IFI44: variants seen among roughly 807,000 people sequenced by gnomAD.
IFI44 encodes the protein interferon induced protein 44.
Under a neutral mutation model 45.0 loss-of-function variants are expected in IFI44, and 42 were observed. That is an observed-to-expected ratio of 0.93 (90% CI 0.73 to 1.21). The LOEUF (loss-of-function observed/expected upper bound fraction) is 1.21. Among genes scored for constraint, IFI44 ranks in the 50% most tolerant of loss-of-function variants. The probability of loss-of-function intolerance (pLI) is 0.00; values close to 1 mark genes in which losing one functional copy is unlikely to be tolerated. For synonymous variants in IFI44, 221 were observed against 188.6 expected, an observed-to-expected ratio of 1.17 and a Z score of -1.41; for missense variants, 623 against 525.8, an observed-to-expected ratio of 1.18 and a Z score of -1.81.
intron 8 of IFI44, 59 bp downstream of exon 8, chr1:78,662,937 T>C (rs1647552562): frequency 6.2e-7 from 1 of 1,612,622 alleles, no homozygotes; most frequent in South Asian, 1.1e-5. Flanking sequence ...TACTTTCTGC[T>C]TGGATCTATT....
rs375768898 is a variant in IFI44 at position 78,650,263 on chromosome 1, G to A, written c.68G>A (p.Arg23Gln). Residue 23 changes from arginine to glutamine, a missense_variant, in exon 2 of 9, where the codon CGG (arginine) becomes CAG (glutamine). Arg to Gln is a conservative substitution (Grantham distance 43). Transcript: ENST00000370747. ...CTGCAAAATCATTTTGGAGGGAAGC[G>A]GCTTAGCCTTCTCTATAAGGGTAGT... The part of the protein sequence containing the change: ...KILQNHFGGK[R>Q]LSLLYKGSVH... The A allele has an allele frequency of 1.5e-5, 25 of 1,613,358 alleles. No homozygotes were observed. The highest frequency in any genetic ancestry group is 5.5e-5 in the South Asian group (5 of 91,048).
intron 6 of IFI44, among the ~76,000 whole-genome samples, 157 bp from the exon 7 acceptor site, chr1:78,660,397 C>T (rs1199792411): frequency 1.3e-5 from 2 of 152,022 alleles, no homozygotes; most frequent in Non-Finnish European, 2.9e-5. Context: ...ATAAGTAGTC[C>T]AGGGGAGTTT....
At chr1:78,661,215 C>T (rs1570403858) in intron 7 of IFI44, among the ~76,000 whole-genome samples, 4 of 152,176 alleles carry the variant, frequency 2.6e-5, no homozygotes, top group South Asian at 2.1e-4. Flanking sequence ...GCACATGCCA[C>T]CATGCCTGGC....
At chr1:78,663,553 C>T in intron 8 of IFI44, 2 of 985,236 alleles carry the variant, frequency 2.0e-6, no homozygotes, top group Non-Finnish European at 1.2e-6. Context: ...CTCTCCAATT[C>T]TCTCTTACTC....
chr1:78,662,519 A>T (rs1341309528), intron 7 of IFI44, 185 bp from the exon 8 acceptor site: 1 of 565,276 alleles, frequency 1.8e-6, no homozygotes, highest in South Asian at 2.4e-5. Context: ...AATTACAATT[A>T]TCAGTGACAT....
At chr1:78,656,633 A>C (rs754442544) in intron 5 of IFI44, among the ~76,000 whole-genome samples, 1 of 151,742 alleles carries the variant, frequency 6.6e-6, no homozygotes, top group Non-Finnish European at 1.5e-5. Flanking sequence ...TTTTCTTGGC[A>C]ATTTTCATAC....
intron 2 of IFI44, among the ~76,000 whole-genome samples, chr1:78,653,495 A>G (rs959907902): frequency 1.3e-5 from 2 of 152,210 alleles, no homozygotes; most frequent in Non-Finnish European, 2.9e-5. Flanking sequence ...AGCCATGTTT[A>G]TAAATGTTCC....
At position 78,650,375 on chromosome 1, in the gene IFI44, T is replaced by C. The variant is rs1456212383; in HGVS notation, c.180T>C (p.Ile60=). The C allele has an allele frequency of 7.4e-6, 12 of 1,613,954 alleles. No homozygotes were observed. The highest frequency in any genetic ancestry group is 1.7e-5 in the Admixed American group (1 of 60,008). ...TLTVIYSEDH[I]IGAYAEESYQ... ...CAGTGATTTATAGTGAAGATCATAT[T>C]ATTGGAGCATATGCAGAAGAGAGTT... Residue 60 remains isoleucine (I), a synonymous_variant, in exon 2 of 9, where the codon ATT becomes ATC. Coordinates refer to ENST00000370747, the MANE Select transcript of IFI44 (RefSeq NM_006417.5).
rs761274553 is a variant in IFI44 at position 78,655,530 on chromosome 1, G to T, written c.840+19G>T. The T allele has an allele frequency of 5.1e-6, 8 of 1,583,180 alleles. No homozygotes were observed. The highest frequency in any genetic ancestry group is 1.8e-5 in the Admixed American group (1 of 55,806). On this transcript the variant is annotated intron_variant, in intron 5 of 8. Coordinates refer to ENST00000370747, the MANE Select transcript of IFI44 (RefSeq NM_006417.5). ...ATACCAGGTAATATTTGACTAATGA[G>T]AAATTATAACTGATTTTTAAAATGC...
chr1:78,663,060 G>A (rs1217316421), intron 8 of IFI44, 182 bp downstream of exon 8: 1 of 1,456,908 alleles, frequency 6.9e-7, no homozygotes, highest in South Asian at 1.5e-5. Context: ...TCTTTTCCTG[G>A]AGTTCATACT....
chr1:78,662,906 G>A (rs1557707513), intron 8 of IFI44, 28 bp downstream of exon 8: 3 of 1,612,820 alleles, frequency 1.9e-6, no homozygotes, highest in Non-Finnish European at 2.5e-6. Context: ...GTGGAAGCTT[G>A]GAAGCGGTCA....
At chr1:78,650,974 C>T (rs1252242671) in intron 2 of IFI44, among the ~76,000 whole-genome samples, 1 of 152,136 alleles carries the variant, frequency 6.6e-6, no homozygotes, top group Non-Finnish European at 1.5e-5. Context: ...TTTCCCTCAT[C>T]ATTATAGAAG....
intron 7 of IFI44, 90 bp downstream of exon 7, chr1:78,660,744 A>T: frequency 1.1e-6 from 1 of 875,890 alleles, no homozygotes; most frequent in Non-Finnish European, 1.9e-6. Context: ...ACAAGCAGCT[A>T]CTGGGTTTAA....
chr1:78,657,156 A>G (rs1647231049), intron 5 of IFI44, among the ~76,000 whole-genome samples: 1 of 152,086 alleles, frequency 6.6e-6, no homozygotes, highest in Non-Finnish European at 1.5e-5. Flanking sequence ...ATTTACAATC[A>G]TTCCATAAAT....
rs145255995 is a variant in IFI44 at position 78,656,273 on chromosome 1, G to A, written c.840+762G>A. Among the ~76,000 whole-genome samples the A allele has an allele frequency of 5.2e-3, 788 of 152,292 alleles. 8 individuals are homozygous for A. Among genetic ancestry groups the A allele is most frequent in the African/African-American group, 0.018 (758 of 41,568 alleles). On this transcript the variant is annotated intron_variant, in intron 5 of 8. Transcript: ENST00000370747. ...AACACTGAGCACTGTCAGTGATCCA[G>A]GCAAGAGGAAGGGGAGATCAAAAAA...
rs1299307659 is a variant in IFI44, at chr1:78,663,834, T to C, written c.*23T>C. The C allele has an allele frequency of 1.2e-6, 2 of 1,608,206 alleles. No individual in the cohort carries two copies. Among genetic ancestry groups the C allele is most frequent in the Admixed American group, 1.7e-5 (1 of 59,430 alleles). On this transcript the variant is annotated 3_prime_UTR_variant, in exon 9 of 9. Coordinates refer to ENST00000370747, the MANE Select transcript of IFI44 (RefSeq NM_006417.5). ...TAGATATGTGAAAGGTTCACGTAAATTTCCTCACATCACAGAAGATTAAAA... is the reference window on the plus strand; with the variant it reads ...TAGATATGTGAAAGGTTCACGTAAACTTCCTCACATCACAGAAGATTAAAA...
intron 2 of IFI44, among the ~76,000 whole-genome samples, chr1:78,652,560 T>G (rs1038375181): frequency 6.6e-6 from 1 of 152,114 alleles, no homozygotes; most frequent in African/African-American, 2.4e-5. Context: ...TCCCTGAGAG[T>G]GTTCCCTGGT....
chr1:78,660,920 C>T (rs561702469), intron 7 of IFI44: 6 of 440,910 alleles, frequency 1.4e-5, no homozygotes, highest in Non-Finnish European at 2.1e-5. Flanking sequence ...AACCTATGCA[C>T]ATCCTTTGGT....
At position 78,663,924 on chromosome 1, in the gene IFI44, T is replaced by C; in HGVS notation, c.*113T>C. 1.1e-6 allele frequency: 1 copy of C among 887,630 alleles called. No individual in the cohort carries two copies. Among genetic ancestry groups the C allele is most frequent in the Non-Finnish European group, 1.7e-6 (1 of 596,016 alleles). 55.0% of individuals were successfully genotyped at this position (887,630 alleles called of 1,614,324 possible). On this transcript the variant is annotated 3_prime_UTR_variant, in exon 9 of 9. Coordinates refer to ENST00000370747, the MANE Select transcript of IFI44 (RefSeq NM_006417.5). ...AGACCAAAGGGATGTGTTTTATTAATGTCTAGGATGAAGAAATGCATAGAA... is the reference window on the plus strand; with the variant it reads ...AGACCAAAGGGATGTGTTTTATTAACGTCTAGGATGAAGAAATGCATAGAA...
Sources: gnomAD v4.1 joint callset for allele counts (sites outside exome capture counted in the v4.1 genomes callset) on GRCh38, gnomAD v4.1.1 for gene constraint, MANE v1.5 for transcripts, NCBI Gene and HGNC (gene_info 2026-07-23, HGNC 2026-07-21) for gene names.